RFX7: variants seen among roughly 807,000 people sequenced by gnomAD.
RFX7 encodes DNA-binding protein RFX7.
Under a neutral mutation model 111.8 loss-of-function variants are expected in RFX7, and 26 were observed. That is an observed-to-expected ratio of 0.23 (90% CI 0.17 to 0.32). The LOEUF (loss-of-function observed/expected upper bound fraction) is 0.32. RFX7 is among the 10% of genes least tolerant of loss of function. RFX7 has a pLI of 1.00. For synonymous variants in RFX7, 624 were observed against 624.4 expected (o/e 1.00, Z 0.01); for missense variants, 1,573 against 1,772.9 (o/e 0.89, Z 2.02).
intron 3 of RFX7, among the ~76,000 whole-genome samples, chr15:56,150,994 G>C (rs2042561971): frequency 6.6e-6 from 1 of 151,524 alleles, no homozygotes; most frequent in Non-Finnish European, 1.5e-5. Flanking sequence ...ATGAAATAAA[G>C]CGAGAAGACA....
At chr15:56,179,789 C>G (rs935084623) in intron 2 of RFX7, among the ~76,000 whole-genome samples, 4 of 149,202 alleles carry the variant, frequency 2.7e-5, no homozygotes, top group African/African-American at 1.0e-4. Context: ...CACACACACA[C>G]ACACACACAC....
intron 2 of RFX7, among the ~76,000 whole-genome samples, chr15:56,208,744 C>T (rs1666995629): frequency 6.6e-6 from 1 of 152,070 alleles, no homozygotes; most frequent in African/African-American, 2.4e-5. Context: ...AGATTAGAAA[C>T]ACTACCAGAA....
At position 56,145,829 on chromosome 15, in the gene RFX7, A is replaced by T. The variant is rs76844640; in HGVS notation, c.196-1346T>A. 3.5e-3 allele frequency among the ~76,000 whole-genome samples: 539 copies of T among 152,276 alleles called. 4 individuals carry two copies. Among genetic ancestry groups the T allele is most frequent in the African/African-American group, 0.012 (493 of 41,538 alleles). Reference sequence around the variant, plus strand: ...GGTCTTCAGCTGTCTTTCTTTCAAGAATAAGGATAATTCGTTTGCTTATGC... The same window carrying T: ...GGTCTTCAGCTGTCTTTCTTTCAAGTATAAGGATAATTCGTTTGCTTATGC... On this transcript the variant is annotated intron_variant, in intron 3 of 9. Coordinates refer to ENST00000559447, the MANE Select transcript of RFX7 (RefSeq NM_022841.7).
At chr15:56,184,230 A>C (rs530151825) in intron 2 of RFX7, among the ~76,000 whole-genome samples, 1 of 115,458 alleles carries the variant, frequency 8.7e-6, no homozygotes, top group Non-Finnish European at 1.7e-5. Context: ...GTAGAGACGG[A>C]GTTTCTCCAT....
intron 5 of RFX7, among the ~76,000 whole-genome samples, chr15:56,120,885 T>C (rs1329680371): frequency 6.6e-6 from 1 of 152,240 alleles, no homozygotes; most frequent in Non-Finnish European, 1.5e-5. Flanking sequence ...AAAACCTTTA[T>C]ACTCAAATAT....
chr15:56,182,457 C>T (rs1379954889), intron 2 of RFX7, among the ~76,000 whole-genome samples: 1 of 152,148 alleles, frequency 6.6e-6, no homozygotes, highest in Non-Finnish European at 1.5e-5. Flanking sequence ...TTATACCCCT[C>T]CCTACCTTCT....
chr15:56,204,725 G>A (rs1454432989), intron 2 of RFX7, among the ~76,000 whole-genome samples: 2 of 152,156 alleles, frequency 1.3e-5, no homozygotes, highest in Admixed American at 1.3e-4. Flanking sequence ...AATATAGTAT[G>A]AGTGTAATTA....
intron 3 of RFX7, among the ~76,000 whole-genome samples, chr15:56,175,129 C>A (rs558763587): frequency 6.6e-6 from 1 of 152,194 alleles, no homozygotes; most frequent in East Asian, 1.9e-4. Flanking sequence ...TTGCAGGTTA[C>A]AAGATCACTA....
chr15:56,155,837 ATTAGT>A (rs2042645210), intron 3 of RFX7, among the ~76,000 whole-genome samples: 1 of 151,722 alleles, frequency 6.6e-6, no homozygotes, highest in South Asian at 2.1e-4. Flanking sequence ...CATTTTTTAG[ATTAGT>A]ATTTAACTTA....
Position 56,095,656 on chromosome 15 carries a change from C to A in RFX7, c.2072G>T (p.Gly691Val), listed in dbSNP as rs751996954. The change falls in exon 10 of 10, where the codon GGC becomes GTC. Residue 691 changes from glycine to valine, a missense_variant. By Grantham distance (109) the Gly-to-Val change is moderately radical. Transcript: ENST00000559447. ...AACCTTTTGGTCCTTCTTAACACTGCCTTGTTTCTGCCCTTCTATGGTAGC... is the reference window on the plus strand; with the variant it reads ...AACCTTTTGGTCCTTCTTAACACTGACTTGTTTCTGCCCTTCTATGGTAGC... ...SAATIEGQKQ[G>V]SVKKDQKVPH... The A allele has an allele frequency of 4.3e-6, 7 of 1,613,980 alleles. No homozygotes were observed. Among genetic ancestry groups the A allele is most frequent in the Non-Finnish European group, 5.9e-6 (7 of 1,179,886 alleles).
chr15:56,146,204 C>T (rs1297900315), intron 3 of RFX7, among the ~76,000 whole-genome samples: 1 of 152,084 alleles, frequency 6.6e-6, no homozygotes, highest in Admixed American at 6.6e-5. Flanking sequence ...CTCAACTGAT[C>T]ATCCCACCTC....
intron 5 of RFX7, among the ~76,000 whole-genome samples, chr15:56,111,887 C>A (rs1049964026): frequency 6.6e-6 from 1 of 151,844 alleles, no homozygotes; most frequent in Non-Finnish European, 1.5e-5. Flanking sequence ...GAGGCCGAGG[C>A]GGGTGGATCA....
At chr15:56,133,767 C>CT (rs2042249522) in intron 5 of RFX7, among the ~76,000 whole-genome samples, 1 of 151,768 alleles carries the variant, frequency 6.6e-6, no homozygotes, top group Non-Finnish European at 1.5e-5. Context: ...GTGTTTCTAC[C>CT]TTTTTTATCT....
chr15:56,093,560 G>A lies in RFX7; in HGVS notation c.4168C>T (p.Leu1390Phe), dbSNP rs1272974410. Residue 1390 changes from leucine (L) to phenylalanine (F), a missense_variant, in exon 10 of 10, where the codon CTC (leucine) becomes TTC (phenylalanine). Transcript: ENST00000559447. Reference sequence around the variant, plus strand: ...TTCAAATCATTGATGCTGCCTGAGAGCTCAGAAGACAACCTGATATCGCTA... The same window carrying A: ...TTCAAATCATTGATGCTGCCTGAGAACTCAGAAGACAACCTGATATCGCTA... ...FSSDIRLSSE[L>F]SGSINDLNTL... 6.2e-7 allele frequency: 1 copy of A among 1,613,732 alleles called. No individual in the cohort carries two copies. Among genetic ancestry groups the A allele is most frequent in the Non-Finnish European group, 8.5e-7 (1 of 1,179,710 alleles).
At chr15:56,239,991 T>C (rs543625302) in intron 2 of RFX7, among the ~76,000 whole-genome samples, 10 of 112,424 alleles carry the variant, frequency 8.9e-5, no homozygotes, top group Middle Eastern at 4.6e-3. Context: ...TTTCTTTTTT[T>C]TTTTTTTTTT....
intron 3 of RFX7, among the ~76,000 whole-genome samples, chr15:56,150,049 G>T: frequency 6.6e-6 from 1 of 151,842 alleles, no homozygotes; most frequent in Non-Finnish European, 1.5e-5. Context: ...TGGGGCGGGG[G>T]GGTCGGCCAT....
At chr15:56,179,365 T>C in intron 2 of RFX7, 62 bp from the exon 3 acceptor site, 3 of 727,926 alleles carry the variant, frequency 4.1e-6, no homozygotes, top group Non-Finnish European at 5.9e-6. Context: ...TGCAATATTC[T>C]CAAAAAGATG....
At chr15:56,232,599 T>C (rs2043575790) in intron 2 of RFX7, among the ~76,000 whole-genome samples, 1 of 152,220 alleles carries the variant, frequency 6.6e-6, no homozygotes, top group South Asian at 2.1e-4. Flanking sequence ...GTTTTTCTTT[T>C]CTAATACATC....
chr15:56,106,847 G>A (rs1567009451), intron 5 of RFX7, among the ~76,000 whole-genome samples: 2 of 150,630 alleles, frequency 1.3e-5, no homozygotes, highest in Non-Finnish European at 3.0e-5. Flanking sequence ...ATCTTGGTTA[G>A]TTTACATCTC....
Sources: allele counts gnomAD v4.1 joint callset (sites outside exome capture counted in the v4.1 genomes callset), GRCh38; gene constraint gnomAD v4.1.1; transcripts MANE v1.5; gene names NCBI Gene and HGNC (gene_info 2026-07-23, HGNC 2026-07-21).